LARGE1: variants seen among roughly 807,000 people sequenced by gnomAD.
The protein encoded by LARGE1 is xylosyl- and glucuronyltransferase LARGE1.
Under a neutral mutation model 87.6 loss-of-function variants are expected in LARGE1, and 43 were observed. That is an observed-to-expected ratio of 0.49 (90% CI 0.38 to 0.63). LARGE1 has a LOEUF of 0.63. LARGE1 is among the 30% of genes least tolerant of loss of function. LARGE1 has a pLI of 0.00. For missense variants in LARGE1, 802 were observed against 1,000.2 expected (o/e 0.80, Z 2.67); for synonymous variants, 434 against 394.6 (o/e 1.10, Z -1.18).
chr22:33,580,541 C>T (rs1275829515), intron 5 of LARGE1, among the ~76,000 whole-genome samples: 2 of 152,096 alleles, frequency 1.3e-5, no homozygotes, highest in African/African-American at 4.8e-5. Context: ...GAATAAAGGC[C>T]TGATCACAGT....
At chr22:33,384,430 G>A (rs1426320256) in intron 7 of LARGE1, 126 bp from the exon 8 acceptor site, 1 of 739,254 alleles carries the variant, frequency 1.4e-6, no homozygotes, top group African/African-American at 1.7e-5. Flanking sequence ...AGAGGCCTAT[G>A]CACTGCTGCA....
At chr22:33,517,796 T>C (rs768436791) in intron 6 of LARGE1, among the ~76,000 whole-genome samples, 5 of 152,196 alleles carry the variant, frequency 3.3e-5, no homozygotes, top group Admixed American at 2.6e-4. Flanking sequence ...GGAGAATGCA[T>C]GGCCTCAGTC....
chr22:33,905,107 C>G (rs1458811231), intron 1 of LARGE1, among the ~76,000 whole-genome samples: 1 of 145,748 alleles, frequency 6.9e-6, no homozygotes, highest in East Asian at 2.0e-4. Context: ...GCTCTGTCAC[C>G]CAGACTGGAG....
At chr22:33,090,592 T>C in the LARGE1 span, among the ~76,000 whole-genome samples, 1 of 152,218 alleles carries the variant, frequency 6.6e-6, no homozygotes, top group African/African-American at 2.4e-5. Flanking sequence ...CTGATGTTTC[T>C]GGAGTGGAGT....
chr22:33,783,009 T>C (rs1040122307), intron 1 of LARGE1, among the ~76,000 whole-genome samples: 1 of 152,116 alleles, frequency 6.6e-6, no homozygotes, highest in Non-Finnish European at 1.5e-5. Flanking sequence ...TCGGCCTGAT[T>C]TAATTGGCAT....
intron 1 of LARGE1, among the ~76,000 whole-genome samples, chr22:33,834,090 A>G (rs981803166): frequency 2.0e-5 from 3 of 152,178 alleles, no homozygotes; most frequent in Non-Finnish European, 2.9e-5. Flanking sequence ...AAGGTAATAA[A>G]GCCTGACTCC....
the LARGE1 span, among the ~76,000 whole-genome samples, chr22:33,153,463 T>C: frequency 2.0e-5 from 3 of 152,262 alleles, no homozygotes; most frequent in African/African-American, 7.2e-5. Flanking sequence ...GAAGAGTTTA[T>C]ATTTGTTTGG....
intron 2 of LARGE1, among the ~76,000 whole-genome samples, chr22:33,655,588 CTG>C (rs1265030676): frequency 1.3e-5 from 2 of 152,122 alleles, no homozygotes; most frequent in African/African-American, 2.4e-5. Context: ...ATAAACATAG[CTG>C]TATATGCACA....
intron 2 of LARGE1, among the ~76,000 whole-genome samples, chr22:33,759,578 C>G (rs1403438053): frequency 6.6e-6 from 1 of 152,134 alleles, no homozygotes; most frequent in East Asian, 1.9e-4. Context: ...TAGAAATACT[C>G]AAAATACTAG....
At chr22:33,748,024 CAAAAAAA>C (rs535230421) in intron 2 of LARGE1, among the ~76,000 whole-genome samples, 2,542 of 21,402 alleles carry the variant, frequency 0.12, 56 homozygotes, top group African/African-American at 0.25. Flanking sequence ...TCTGCTGGAG[CAAAAAAA>C]AAAAAAAAAA....
intron 6 of LARGE1, among the ~76,000 whole-genome samples, chr22:33,512,943 G>GT (rs1163795088): frequency 2.0e-5 from 3 of 151,946 alleles, no homozygotes; most frequent in South Asian, 2.1e-4. Context: ...CACATTCACT[G>GT]TTTTTTTTAA....
At chr22:33,658,819 C>T (rs189338667) in intron 2 of LARGE1, among the ~76,000 whole-genome samples, 1 of 152,176 alleles carries the variant, frequency 6.6e-6, no homozygotes, top group Non-Finnish European at 1.5e-5. Context: ...AAAACAGCCA[C>T]TCCCATGGGA....
At chr22:33,178,742 T>C (rs1923008706) in intron 11 of LARGE1, among the ~76,000 whole-genome samples, 1 of 152,146 alleles carries the variant, frequency 6.6e-6, no homozygotes, top group Non-Finnish European at 1.5e-5. Context: ...AATGTGAATT[T>C]AGTACTAATG....
At position 33,596,386 on chromosome 22, in the gene LARGE1, G is replaced by C. The variant is rs2078976539; in HGVS notation, c.615+8049C>G. 5.9e-5 allele frequency among the ~76,000 whole-genome samples: 9 copies of C among 152,286 alleles called. No individual in the cohort carries two copies. In the South Asian group the frequency reaches 1.9e-3, roughly 32 times the overall value. On this transcript the variant is annotated intron_variant, in intron 5 of 14. Coordinates refer to ENST00000397394, the MANE Select transcript of LARGE1 (RefSeq NM_133642.5). The stretch of plus-strand genomic sequence containing the variant: ...CTGTGATCTTGCCCTCATTGTGTGA[G>C]ACAGAAAAGCCCATGACAGAGGCCA...
the LARGE1 span, among the ~76,000 whole-genome samples, chr22:33,097,629 G>A: frequency 2.0e-5 from 3 of 152,118 alleles, no homozygotes. Flanking sequence ...CCCTTTCTCT[G>A]GATATTAGCA....
intron 1 of LARGE1, among the ~76,000 whole-genome samples, chr22:33,777,833 G>A (rs893834497): frequency 1.3e-5 from 2 of 152,166 alleles, no homozygotes; most frequent in Admixed American, 1.3e-4. Flanking sequence ...TTTCTTCTGG[G>A]ATGCCCTGCT....
At position 33,513,889 on chromosome 22, in the gene LARGE1, G is replaced by GTA. The variant is rs576497443; in HGVS notation, c.787+50957_787+50958dup. ...ATGATGTTTTGGTCAACAACAGACAGTATAGTGTTGTGGTCCCATAAGATT... is the reference window on the plus strand; with the variant it reads ...ATGATGTTTTGGTCAACAACAGACAGTATATAGTGTTGTGGTCCCATAAGATT... On this transcript the variant is annotated intron_variant, in intron 6 of 14. Coordinates refer to ENST00000397394, the MANE Select transcript of LARGE1 (RefSeq NM_133642.5). Among the ~76,000 whole-genome samples the GTA allele has an allele frequency of 2.1e-4, 32 of 150,600 alleles. 1 individual carries two copies. The South Asian group carries it at 6.7e-3, about 32-fold the overall frequency.
chr22:33,832,342 G>A (rs2062994896), intron 1 of LARGE1, among the ~76,000 whole-genome samples: 1 of 152,180 alleles, frequency 6.6e-6, no homozygotes, highest in Admixed American at 6.5e-5. Context: ...TACCCTGTGA[G>A]CTCTGTCTAA....
chr22:33,747,742 T>C (rs2084143852), intron 2 of LARGE1: 1 of 152,226 alleles, frequency 6.6e-6, no homozygotes, highest in South Asian at 2.1e-4. Context: ...CCCTAGACAG[T>C]GCCTGACTGT....
Sources: allele counts gnomAD v4.1 joint callset (sites outside exome capture counted in the v4.1 genomes callset), GRCh38; gene constraint gnomAD v4.1.1; transcripts MANE v1.5; gene names NCBI Gene and HGNC (gene_info 2026-07-23, HGNC 2026-07-21).